ACACA: variants seen among roughly 807,000 people sequenced by gnomAD.
ACACA encodes acetyl-CoA carboxylase alpha.
ACACA carries 103 observed loss-of-function variants against 296.1 expected under a neutral mutation model. That is an observed-to-expected ratio of 0.35 (90% CI 0.30 to 0.41). The LOEUF (loss-of-function observed/expected upper bound fraction) is 0.41, where lower values mean the gene tolerates loss of function less well. ACACA is among the 10% of genes least tolerant of loss of function. The pLI, the probability that ACACA is intolerant of heterozygous loss-of-function variation, is 1.00. For synonymous variants in ACACA, 953 were observed against 1,038.6 expected (o/e 0.92, Z 1.58); for missense variants, 1,554 against 2,989.7 (o/e 0.52, Z 11.20).
At position 37,284,928 on chromosome 17, in the gene ACACA, G is replaced by A; in HGVS notation, c.381C>T (p.Asp127=). 2 of 1,614,058 alleles carry A rather than the reference G, an allele frequency of 1.2e-6. No homozygotes were observed. The highest frequency in any genetic ancestry group is 1.7e-6 in the Non-Finnish European group (2 of 1,180,012). The change falls in exon 4 of 56, where the codon GAC becomes GAT. Residue 127 remains aspartate, a synonymous_variant. Transcript: ENST00000616317. ...SGLHLVKQGR[D]RKKIDSQRDF... ...CTCGTTGAGAATCTATTTTCTTTCT[G>A]TCTCGGCCCTGCTTTACTAGGTGCA... is the stretch of plus-strand genomic sequence containing the variant.
chr17:37,195,570 C>T (rs1164905319), intron 35 of ACACA, among the ~76,000 whole-genome samples: 1 of 151,728 alleles, frequency 6.6e-6, no homozygotes, highest in Non-Finnish European at 1.5e-5. Context: ...CGGTAAAATC[C>T]TCAATTTAAG....
At chr17:37,341,323 G>C (rs956711983) in intron 1 of ACACA, among the ~76,000 whole-genome samples, 1 of 152,120 alleles carries the variant, frequency 6.6e-6, no homozygotes, top group African/African-American at 2.4e-5. Context: ...AGTATCCATA[G>C]TTTTGTAAAT....
At chr17:37,112,639 A>G (rs2074038988) in intron 51 of ACACA, among the ~76,000 whole-genome samples, 1 of 152,140 alleles carries the variant, frequency 6.6e-6, no homozygotes, top group African/African-American at 2.4e-5. Context: ...TGACAGTGAA[A>G]CTACTGGACT....
At chr17:37,404,121 A>C (rs2051384455) in intron 1 of ACACA, among the ~76,000 whole-genome samples, 1 of 152,186 alleles carries the variant, frequency 6.6e-6, no homozygotes. Flanking sequence ...ATGTGGGACT[A>C]ATTTTTCTAC....
intron 52 of ACACA, among the ~76,000 whole-genome samples, chr17:37,105,560 CCTTTA>C (rs1048012614): frequency 2.6e-5 from 4 of 152,076 alleles, no homozygotes; most frequent in Non-Finnish European, 5.9e-5. Context: ...GGCCCTTCTT[CCTTTA>C]CTTAAGAAAG....
intron 52 of ACACA, 144 bp from the exon 53 acceptor site, chr17:37,098,128 T>C: frequency 9.7e-7 from 1 of 1,034,838 alleles, no homozygotes; most frequent in Admixed American, 1.8e-5. Context: ...TCTCTGCTCT[T>C]TGCTGATTAA....
chr17:37,229,282 T>C (rs1029194343), intron 25 of ACACA, among the ~76,000 whole-genome samples: 2 of 152,136 alleles, frequency 1.3e-5, no homozygotes, highest in Admixed American at 1.3e-4. Flanking sequence ...TCCTCTTGCA[T>C]AGTTACAGAT....
chr17:37,257,986 A>T, intron 13 of ACACA, 120 bp from the exon 14 acceptor site: 1 of 1,359,978 alleles, frequency 7.4e-7, no homozygotes, highest in Non-Finnish European at 1.0e-6. Context: ...CACAAAAATG[A>T]TAAAGGCCAA....
At chr17:37,335,387 T>G (rs1159907362) in intron 2 of ACACA, among the ~76,000 whole-genome samples, 1 of 152,124 alleles carries the variant, frequency 6.6e-6, no homozygotes, top group Non-Finnish European at 1.5e-5. Flanking sequence ...TGTGTAAAAT[T>G]TAGCAATACT....
chr17:37,133,199 G>A (rs1231423078), intron 45 of ACACA, among the ~76,000 whole-genome samples: 1 of 152,128 alleles, frequency 6.6e-6, no homozygotes, highest in Non-Finnish European at 1.5e-5. Context: ...GGTGGGGATG[G>A]GCACAGAAAT....
At chr17:37,265,624 T>C (rs765985919) in intron 10 of ACACA, among the ~76,000 whole-genome samples, 3 of 152,192 alleles carry the variant, frequency 2.0e-5, no homozygotes, top group East Asian at 1.9e-4. Context: ...AGGAGGTACA[T>C]AGTAGTCATT....
chr17:37,242,969 G>A (rs2680390), intron 22 of ACACA, among the ~76,000 whole-genome samples: 50,983 of 151,682 alleles, frequency 0.34, 10,847 homozygotes, highest in African/African-American at 0.59. Flanking sequence ...CGGGAGGCAG[G>A]GGTTGCAGTG....
chr17:37,385,057 T>G (rs568855535), intron 1 of ACACA, among the ~76,000 whole-genome samples: 3 of 152,334 alleles, frequency 2.0e-5, no homozygotes, highest in Admixed American at 2.0e-4. Flanking sequence ...TCACTTCCAC[T>G]GCTGGTGTGA....
At chr17:37,206,979 T>C in intron 31 of ACACA, 100 bp from the exon 32 acceptor site, 2 of 1,091,534 alleles carry the variant, frequency 1.8e-6, no homozygotes, top group Non-Finnish European at 2.8e-6. Flanking sequence ...TATCTTAGCC[T>C]GGGCTCAATA....
chr17:37,355,448 C>T (rs1015337351), intron 1 of ACACA, among the ~76,000 whole-genome samples: 3 of 147,404 alleles, frequency 2.0e-5, no homozygotes, highest in Admixed American at 6.8e-5. Flanking sequence ...CCGAGCTACA[C>T]GGGAGGCTGA....
intron 14 of ACACA, among the ~76,000 whole-genome samples, chr17:37,256,653 G>GCCCA (rs2081241662): frequency 6.6e-6 from 1 of 152,114 alleles, no homozygotes; most frequent in African/African-American, 2.4e-5. Context: ...GATTGCTTGA[G>GCCCA]CCCAGGAGGT....
rs2072175693 is a variant in ACACA at position 37,086,040 on chromosome 17, CCT to C, written c.*1274_*1275del. On this transcript the variant is annotated 3_prime_UTR_variant, in exon 56 of 56. Transcript: ENST00000616317. Reference sequence around the variant, plus strand: ...ACTCTCTCCACCACCTGAGGAAGCCCCTGATGCCAGTCAGGAGGGGCCAGTAA... The same window carrying C: ...ACTCTCTCCACCACCTGAGGAAGCCCGATGCCAGTCAGGAGGGGCCAGTAA... The C allele has an allele frequency of 2.6e-6, 1 of 380,726 alleles. No individual in the cohort carries two copies. Among genetic ancestry groups the C allele is most frequent in the African/African-American group, 2.1e-5 (1 of 48,312 alleles). 23.6% of individuals were successfully genotyped at this position (380,726 alleles called of 1,614,324 possible). A position where few individuals can be genotyped will look rare whatever the true frequency, so the allele number is the denominator to read the frequency against.
chr17:37,263,204 T>C (rs572667115), intron 11 of ACACA, among the ~76,000 whole-genome samples: 14 of 152,368 alleles, frequency 9.2e-5, no homozygotes, highest in Admixed American at 6.5e-5. Context: ...CTCTAAACTA[T>C]AGTTATTCCG....
intron 1 of ACACA, among the ~76,000 whole-genome samples, chr17:37,344,345 G>T (rs1211464158): frequency 6.6e-6 from 1 of 151,904 alleles, no homozygotes; most frequent in Admixed American, 6.6e-5. Context: ...ATTGCTTGAG[G>T]TCAGGAGTTC....
Sources: allele counts gnomAD v4.1 joint callset (sites outside exome capture counted in the v4.1 genomes callset), GRCh38; gene constraint gnomAD v4.1.1; transcripts MANE v1.5; gene names NCBI Gene and HGNC (gene_info 2026-07-23, HGNC 2026-07-21).